The following IQGAP2 variants were observed in gnomAD, a reference collection of about 807,000 sequenced individuals.
IQGAP2 encodes the protein IQ motif containing GTPase activating protein 2, also known as ras GTPase-activating-like protein IQGAP2.
Under a neutral mutation model 201.3 loss-of-function variants are expected in IQGAP2, and 173 were observed. The observed-to-expected ratio is 0.86, with a 90% CI of 0.76 to 0.98. IQGAP2 has a LOEUF of 0.98. Among genes scored for constraint, IQGAP2 ranks in the 50% least tolerant of loss-of-function variants. IQGAP2 has a pLI of 0.00. For missense variants in IQGAP2, 1,687 were observed against 1,864.8 expected (o/e 0.90, Z 1.76); for synonymous variants, 675 against 673.9 (o/e 1.00, Z -0.03).
At chr5:76,668,959 T>C (rs1407939606) in intron 23 of IQGAP2, 115 bp downstream of exon 23, 1 of 604,010 alleles carries the variant, frequency 1.7e-6, no homozygotes, top group African/African-American at 1.9e-5. Context: ...TCCCACATAT[T>C]AAAATATATC....
At chr5:76,495,329 G>A (rs1414012235) in intron 2 of IQGAP2, among the ~76,000 whole-genome samples, 1 of 152,170 alleles carries the variant, frequency 6.6e-6, no homozygotes, top group African/African-American at 2.4e-5. Flanking sequence ...GTGTCCAAGG[G>A]CATGAGCCTG....
chr5:76,554,254 G>A (rs1315380985), intron 2 of IQGAP2, among the ~76,000 whole-genome samples: 2 of 151,694 alleles, frequency 1.3e-5, no homozygotes, highest in Non-Finnish European at 2.9e-5. Flanking sequence ...AGAAAACATA[G>A]GTATAAATAT....
At chr5:76,472,618 G>A (rs529598272) in intron 2 of IQGAP2, among the ~76,000 whole-genome samples, 1 of 152,298 alleles carries the variant, frequency 6.6e-6, no homozygotes, top group East Asian at 1.9e-4. Context: ...TGGGCATATA[G>A]TAGGTGGAAA....
chr5:76,411,513 G>C (rs758489463), intron 1 of IQGAP2, among the ~76,000 whole-genome samples: 9 of 152,208 alleles, frequency 5.9e-5, no homozygotes, highest in African/African-American at 9.6e-5. Context: ...GGAGCCTAAT[G>C]AGTGGTGATT....
chr5:76,546,747 A>G (rs1213270590), intron 2 of IQGAP2, among the ~76,000 whole-genome samples: 1 of 152,190 alleles, frequency 6.6e-6, no homozygotes, highest in Non-Finnish European at 1.5e-5. Flanking sequence ...TGTGAACTGT[A>G]ACTACGGACA....
At chr5:76,434,354 C>G (rs1752539386) in intron 1 of IQGAP2, among the ~76,000 whole-genome samples, 1 of 152,080 alleles carries the variant, frequency 6.6e-6, no homozygotes, top group Non-Finnish European at 1.5e-5. Flanking sequence ...CCACCCTCCT[C>G]TTTCTGAGTC....
At chr5:76,530,019 T>G (rs1024121880) in intron 2 of IQGAP2, among the ~76,000 whole-genome samples, 1 of 152,098 alleles carries the variant, frequency 6.6e-6, no homozygotes, top group Non-Finnish European at 1.5e-5. Context: ...GTAATGCAAA[T>G]AGGAGTAAAG....
At chr5:76,698,884 A>G in intron 33 of IQGAP2, among the ~76,000 whole-genome samples, 1 of 152,308 alleles carries the variant, frequency 6.6e-6, no homozygotes, top group South Asian at 2.1e-4. Flanking sequence ...CTATAATTTT[A>G]TGTATTCCTG....
At chr5:76,447,345 C>T (rs1401883253) in intron 1 of IQGAP2, among the ~76,000 whole-genome samples, 5 of 152,144 alleles carry the variant, frequency 3.3e-5, no homozygotes, top group Non-Finnish European at 5.9e-5. Context: ...AATCATCTAT[C>T]GCCTGAGAGC....
At chr5:76,699,126 C>T (rs1229813521) in intron 33 of IQGAP2, among the ~76,000 whole-genome samples, 6 of 152,114 alleles carry the variant, frequency 3.9e-5, no homozygotes, top group Admixed American at 3.9e-4. Context: ...CTCCCCGTTT[C>T]CCCCACCCTC....
At position 76,654,125 on chromosome 5, in the gene IQGAP2, A is replaced by G. The variant is rs573623753; in HGVS notation, c.2179-75A>G. On this transcript the variant is annotated intron_variant, in intron 18 of 35. Coordinates refer to ENST00000274364, the MANE Select transcript of IQGAP2 (RefSeq NM_006633.5). ...TAGAAAAACTACACAAAACCGTATT[A>G]CGGGTTGTTTGGTGATTACTTTGAC... The G allele has an allele frequency of 1.1e-4, 110 of 968,174 alleles. No homozygotes were observed. The African/African-American group carries it at 1.4e-3, about 12-fold the overall frequency. 60.0% of individuals were successfully genotyped at this position (968,174 alleles called of 1,614,324 possible).
intron 2 of IQGAP2, among the ~76,000 whole-genome samples, chr5:76,527,255 C>G (rs140726599): frequency 6.6e-6 from 1 of 152,196 alleles, no homozygotes; most frequent in East Asian, 1.9e-4. Context: ...TTAAGGGGAA[C>G]AGATGGAGAC....
intron 2 of IQGAP2, among the ~76,000 whole-genome samples, chr5:76,527,984 T>G (rs937063535): frequency 6.6e-6 from 1 of 152,192 alleles, no homozygotes; most frequent in African/African-American, 2.4e-5. Context: ...CATGACATCA[T>G]CCTCTTATTT....
chr5:76,416,799 T>A (rs1561355384), intron 1 of IQGAP2, among the ~76,000 whole-genome samples: 1 of 151,914 alleles, frequency 6.6e-6, no homozygotes, highest in Non-Finnish European at 1.5e-5. Flanking sequence ...GTCCTGGGAT[T>A]ACAGGTGTGA....
chr5:76,692,001 G>A (rs1746302304), intron 30 of IQGAP2, among the ~76,000 whole-genome samples: 2 of 152,202 alleles, frequency 1.3e-5, no homozygotes, highest in Admixed American at 6.5e-5. Flanking sequence ...GTGATATCAT[G>A]TAATGACTCT....
intron 2 of IQGAP2, among the ~76,000 whole-genome samples, chr5:76,558,890 T>A (rs575470566): frequency 9.9e-5 from 15 of 152,062 alleles, no homozygotes; most frequent in African/African-American, 3.4e-4. Flanking sequence ...GGTAATCTCT[T>A]GTCTGTTTTT....
chr5:76,456,936 G>C lies in IQGAP2; in HGVS notation c.47-4634G>C, dbSNP rs527564281. Among the ~76,000 whole-genome samples the C allele has an allele frequency of 5.9e-5, 9 of 152,092 alleles. No homozygotes were observed. The South Asian group carries it at 1.9e-3, about 32-fold the overall frequency. On this transcript the variant is annotated intron_variant, in intron 1 of 35. Coordinates refer to ENST00000274364, the MANE Select transcript of IQGAP2 (RefSeq NM_006633.5). ...CTTTTCTCTACTGAAAATAAATAAA[G>C]GTTAAATTTTTAAAAATACAAAATA...
At chr5:76,505,317 C>T (rs946501462) in intron 2 of IQGAP2, among the ~76,000 whole-genome samples, 6 of 152,194 alleles carry the variant, frequency 3.9e-5, no homozygotes, top group Non-Finnish European at 5.9e-5. Flanking sequence ...AGGAAACCGT[C>T]GAAACTGCAA....
At position 76,591,151 on chromosome 5, in the gene IQGAP2, T is replaced by C. The variant is rs887988022; in HGVS notation, c.819+565T>C. 3.3e-5 allele frequency among the ~76,000 whole-genome samples: 5 copies of C among 152,170 alleles called. No individual in the cohort carries two copies. In the East Asian group the frequency reaches 9.6e-4, roughly 29 times the overall value. On this transcript the variant is annotated intron_variant, in intron 8 of 35. Coordinates refer to ENST00000274364, the MANE Select transcript of IQGAP2 (RefSeq NM_006633.5). ...TGTTATATATTGACAGAATTAAAAG[T>C]CATGTTGCAAACTTACTAATGTCCC...
Sources: allele counts gnomAD v4.1 joint callset (sites outside exome capture counted in the v4.1 genomes callset), GRCh38; gene constraint gnomAD v4.1.1; transcripts MANE v1.5; gene names NCBI Gene and HGNC (gene_info 2026-07-23, HGNC 2026-07-21).